C5orf63: variants seen among roughly 807,000 people sequenced by gnomAD.
C5orf63 encodes glutaredoxin-like protein C5orf63.
In C5orf63, 18 loss-of-function variants were observed where a neutral mutation model predicts 13.3. The observed-to-expected ratio is 1.36, with a 90% confidence interval of 0.94 to 2.01. The LOEUF (loss-of-function observed/expected upper bound fraction) is 2.01, where lower values mean the gene tolerates loss of function less well. Ranked by LOEUF, C5orf63 falls within the 30% of genes most tolerant of loss-of-function variation. The pLI is 0.00. For missense variants in C5orf63, 118 were observed against 127.7 expected, an observed-to-expected ratio of 0.92 and a Z score of 0.36; for synonymous variants, 38 against 44.7, an observed-to-expected ratio of 0.85 and a Z score of 0.60.
At chr5:127,070,300 G>A (rs1280990476) in intron 2 of C5orf63, among the ~76,000 whole-genome samples, 1 of 152,020 alleles carries the variant, frequency 6.6e-6, no homozygotes, top group Non-Finnish European at 1.5e-5. Context: ...AAGAAACAAA[G>A]AGTTTTAAAA....
At chr5:127,058,816 A>C (rs1580529485) in intron 3 of C5orf63, 66 bp downstream of exon 3, 1 of 1,046,834 alleles carries the variant, frequency 9.6e-7, no homozygotes, top group East Asian at 2.6e-5. Context: ...TTTCCTTTCA[A>C]CTTTGTCCCT....
At chr5:127,054,417 T>G (rs1011227174) in intron 3 of C5orf63, among the ~76,000 whole-genome samples, 1 of 152,330 alleles carries the variant, frequency 6.6e-6, no homozygotes, top group South Asian at 2.1e-4. Flanking sequence ...GCCTTTTTAA[T>G]GATCGCCATT....
At chr5:127,052,559 TACCACATCTAATATGCAATCC>T (rs1753718233) in intron 4 of C5orf63, 33 bp downstream of exon 4, 1 of 1,224,246 alleles carries the variant, frequency 8.2e-7, no homozygotes, top group South Asian at 1.9e-5. Context: ...AGATACTTTA[TACCACATCTAATATGCAATCC>T]ATATACATAA....
At position 127,051,735 on chromosome 5, in the gene C5orf63, A is replaced by T; in HGVS notation, c.*36T>A. On this transcript the variant is annotated 3_prime_UTR_variant, in exon 5 of 5. Transcript: ENST00000296662. ...GGTCATTTCCTTAGGAAGATGCTTT[A>T]TGGGAAGAGAGGGTGGAAAATCATG... 1 of 1,460,024 alleles carries T rather than the reference A, an allele frequency of 6.8e-7. No homozygotes were observed. The highest frequency in any genetic ancestry group is 9.0e-7 in the Non-Finnish European group (1 of 1,110,272). 90.4% of individuals were successfully genotyped at this position (1,460,024 alleles called of 1,614,324 possible).
At chr5:127,068,380 A>C (rs1213687579) in intron 2 of C5orf63, among the ~76,000 whole-genome samples, 2 of 152,066 alleles carry the variant, frequency 1.3e-5, no homozygotes, top group Non-Finnish European at 2.9e-5. Context: ...TTCACTGCAT[A>C]CTCTCTTTTC....
At chr5:127,058,514 G>A (rs1323242926) in intron 3 of C5orf63, among the ~76,000 whole-genome samples, 3 of 152,162 alleles carry the variant, frequency 2.0e-5, no homozygotes, top group Non-Finnish European at 4.4e-5. Context: ...ACCTAACTGT[G>A]TATTTCCCCT....
intron 1 of C5orf63, chr5:127,073,099 G>T (rs1049598896): frequency 6.6e-6 from 1 of 151,956 alleles, no homozygotes; most frequent in African/African-American, 2.4e-5. Context: ...CCACTTCATA[G>T]AATTCAATTA....
chr5:127,073,159 T>A (rs551742479), intron 1 of C5orf63: 1 of 151,994 alleles, frequency 6.6e-6, no homozygotes, highest in Admixed American at 6.5e-5. Flanking sequence ...GAAGTTGAGA[T>A]GTTTTCTGCT....
downstream of C5orf63, chr5:127,047,514 T>C (rs1654351817): frequency 3.5e-6 from 2 of 571,720 alleles, no homozygotes; most frequent in Admixed American, 3.2e-5. Flanking sequence ...CATGACCATA[T>C]TCCTCTCTGA....
At chr5:127,056,070 C>T (rs1753875147) in intron 3 of C5orf63, among the ~76,000 whole-genome samples, 1 of 152,192 alleles carries the variant, frequency 6.6e-6, no homozygotes, top group Non-Finnish European at 1.5e-5. Context: ...CCACCACCCA[C>T]TTCCCTTTCT....
At chr5:127,062,100 T>G (rs1303181994) in intron 2 of C5orf63, among the ~76,000 whole-genome samples, 1 of 152,258 alleles carries the variant, frequency 6.6e-6, no homozygotes, top group Non-Finnish European at 1.5e-5. Context: ...AAAGGAAATC[T>G]GCTTCAGTTT....
chr5:127,069,526 T>C (rs935371390), intron 2 of C5orf63, among the ~76,000 whole-genome samples: 1 of 152,256 alleles, frequency 6.6e-6, no homozygotes, highest in African/African-American at 2.4e-5. Flanking sequence ...GTCAAAGAGA[T>C]AAAGTTATCT....
At chr5:127,049,136 G>A (rs2126879108), downstream of C5orf63, among the ~76,000 whole-genome samples, 1 of 152,252 alleles carries the variant, frequency 6.6e-6, no homozygotes, top group South Asian at 2.1e-4. Flanking sequence ...GGCTGGGGTA[G>A]GGAGGCCAGA....
intron 2 of C5orf63, among the ~76,000 whole-genome samples, chr5:127,068,356 T>G (rs1754405339): frequency 6.6e-6 from 1 of 152,150 alleles, no homozygotes; most frequent in African/African-American, 2.4e-5. Flanking sequence ...CAGGCAGAAG[T>G]GTAAAGATAC....
chr5:127,060,815 T>C (rs944137604), intron 2 of C5orf63, among the ~76,000 whole-genome samples: 3 of 152,244 alleles, frequency 2.0e-5, no homozygotes, highest in African/African-American at 7.2e-5. Context: ...AACTTACCAA[T>C]GTTAGTCAGC....
chr5:127,045,988 A>G (rs951564271), exon 5 of C5orf63: 4 of 152,140 alleles, frequency 2.6e-5, no homozygotes, highest in Non-Finnish European at 5.9e-5. Context: ...AACTTCCTCT[A>G]TTCTCATGGG....
At chr5:127,047,843 T>C (rs369567694), downstream of C5orf63, 10 of 703,630 alleles carry the variant, frequency 1.4e-5, no homozygotes, top group East Asian at 2.7e-5. Flanking sequence ...TGAGAAGCCA[T>C]GTGGGGGTGG....
At chr5:127,050,012 T>A (rs1477479033), downstream of C5orf63, among the ~76,000 whole-genome samples, 8 of 152,246 alleles carry the variant, frequency 5.3e-5, no homozygotes, top group African/African-American at 1.7e-4. Context: ...GCAATTCACA[T>A]GATGCTTGCT....
chr5:127,059,912 A>G (rs1008154953), intron 2 of C5orf63, among the ~76,000 whole-genome samples: 6 of 151,904 alleles, frequency 3.9e-5, no homozygotes, highest in African/African-American at 1.5e-4. Context: ...TTGGGAGGCC[A>G]AGGCATCACC....
Sources: gnomAD v4.1 joint callset for allele counts (sites outside exome capture counted in the v4.1 genomes callset) on GRCh38, gnomAD v4.1.1 for gene constraint, MANE v1.5 for transcripts, NCBI Gene and HGNC (gene_info 2026-07-23, HGNC 2026-07-21) for gene names.